COL25A1: variants seen among roughly 807,000 people sequenced by gnomAD.
The protein encoded by COL25A1 is collagen alpha-1(XXV) chain.
A neutral mutation model predicts 128.4 loss-of-function variants in COL25A1; 103 were observed. The ratio of observed to expected loss-of-function variants is 0.80; its 90% CI spans 0.68 to 0.94. The LOEUF is 0.94. Ranked by LOEUF, COL25A1 falls within the 40% of genes least tolerant of loss-of-function variation. COL25A1 has a pLI of 0.00. For synonymous variants in COL25A1, 279 were observed against 277.2 expected, an observed-to-expected ratio of 1.01 and a Z score of -0.06; for missense variants, 745 against 840.0, an observed-to-expected ratio of 0.89 and a Z score of 1.40.
intron 3 of COL25A1, among the ~76,000 whole-genome samples, chr4:109,244,300 T>C (rs1228942670): frequency 6.6e-6 from 1 of 152,102 alleles, no homozygotes; most frequent in Non-Finnish European, 1.5e-5. Context: ...AATATTTTAG[T>C]ATCCATTGAC....
At chr4:109,166,265 G>C (rs1205930256) in intron 3 of COL25A1, among the ~76,000 whole-genome samples, 3 of 152,132 alleles carry the variant, frequency 2.0e-5, no homozygotes, top group Non-Finnish European at 2.9e-5. Context: ...ATGTCTAGTA[G>C]ATCAATTGTC....
At chr4:108,871,954 T>G (rs1738778482) in intron 19 of COL25A1, among the ~76,000 whole-genome samples, 1 of 152,182 alleles carries the variant, frequency 6.6e-6, no homozygotes, top group South Asian at 2.1e-4. Context: ...GTTGGGCTAT[T>G]TCTTACTTCC....
intron 3 of COL25A1, among the ~76,000 whole-genome samples, chr4:109,160,210 C>T (rs1418075217): frequency 1.3e-5 from 2 of 152,210 alleles, no homozygotes; most frequent in Admixed American, 6.5e-5. Context: ...ATTTATATTG[C>T]TTTTCTTAAC....
chr4:109,181,463 G>T (rs1395644028), intron 3 of COL25A1, among the ~76,000 whole-genome samples: 1 of 152,044 alleles, frequency 6.6e-6, no homozygotes, highest in Non-Finnish European at 1.5e-5. Context: ...TCTATGTAAA[G>T]ATATCAGATT....
At chr4:109,176,622 T>C (rs1431344188) in intron 3 of COL25A1, among the ~76,000 whole-genome samples, 1 of 152,116 alleles carries the variant, frequency 6.6e-6, no homozygotes, top group South Asian at 2.1e-4. Context: ...CCCAAAAAGA[T>C]ATGTCCAAGC....
At chr4:108,859,098 G>A (rs1164981486) in intron 24 of COL25A1, among the ~76,000 whole-genome samples, 2 of 152,164 alleles carry the variant, frequency 1.3e-5, no homozygotes, top group African/African-American at 2.4e-5. Context: ...TATGGTAGCA[G>A]TAATAAGAAA....
At chr4:108,986,044 T>C (rs1753638687) in intron 6 of COL25A1, among the ~76,000 whole-genome samples, 1 of 152,234 alleles carries the variant, frequency 6.6e-6, no homozygotes, top group African/African-American at 2.4e-5. Context: ...TTTGATTCAC[T>C]TAACTTAATC....
chr4:108,908,614 G>A (rs964236068), intron 13 of COL25A1, among the ~76,000 whole-genome samples: 2 of 152,104 alleles, frequency 1.3e-5, no homozygotes, highest in African/African-American at 4.8e-5. Flanking sequence ...AATTAGAACC[G>A]CATAACCACC....
At chr4:109,147,610 A>G (rs941973375) in intron 3 of COL25A1, among the ~76,000 whole-genome samples, 1 of 152,120 alleles carries the variant, frequency 6.6e-6, no homozygotes, top group Non-Finnish European at 1.5e-5. Flanking sequence ...TGAGGTCAGG[A>G]GTTCGAGACC....
At chr4:108,976,694 A>T (rs1465020582) in intron 6 of COL25A1, among the ~76,000 whole-genome samples, 8 of 152,212 alleles carry the variant, frequency 5.3e-5, no homozygotes, top group Admixed American at 5.2e-4. Context: ...GGAGGCTGCT[A>T]TGTCACTGCA....
chr4:109,283,602 C>T, intron 3 of COL25A1, among the ~76,000 whole-genome samples: 1 of 152,132 alleles, frequency 6.6e-6, no homozygotes, highest in East Asian at 1.9e-4. Context: ...TTAGGTAGGT[C>T]TTACAATCCA....
At chr4:109,222,562 CTACA>C (rs532341438) in intron 3 of COL25A1, among the ~76,000 whole-genome samples, 4 of 152,174 alleles carry the variant, frequency 2.6e-5, no homozygotes, top group Admixed American at 2.6e-4. Flanking sequence ...TTAATAATTA[CTACA>C]TAAACACTTT....
chr4:109,088,875 C>T (rs925571631), intron 3 of COL25A1, among the ~76,000 whole-genome samples: 9 of 152,206 alleles, frequency 5.9e-5, no homozygotes, highest in African/African-American at 2.2e-4. Context: ...ATAGAGAACT[C>T]TTTCAAGCAG....
chr4:109,070,042 G>T (rs1762786551), intron 3 of COL25A1, among the ~76,000 whole-genome samples: 2 of 150,778 alleles, frequency 1.3e-5, no homozygotes, highest in Admixed American at 6.6e-5. Context: ...AGATCACAAG[G>T]TCAGGAGATC....
intron 8 of COL25A1, among the ~76,000 whole-genome samples, chr4:108,968,970 G>A (rs948661227): frequency 5.3e-5 from 8 of 151,940 alleles, no homozygotes; most frequent in East Asian, 3.9e-4. Context: ...TCACCTCAGC[G>A]TCTTTCCATT....
At chr4:109,244,369 G>A (rs1578532928) in intron 3 of COL25A1, among the ~76,000 whole-genome samples, 1 of 152,004 alleles carries the variant, frequency 6.6e-6, no homozygotes, top group East Asian at 1.9e-4. Flanking sequence ...CAAAAAAAGT[G>A]TCACTTTGTA....
At chr4:109,254,707 A>C (rs866891645) in intron 3 of COL25A1, among the ~76,000 whole-genome samples, 1 of 151,688 alleles carries the variant, frequency 6.6e-6, no homozygotes, top group Non-Finnish European at 1.5e-5. Flanking sequence ...AATTGAGCTG[A>C]ATTTAAAGAA....
At chr4:108,980,776 C>G (rs940644119) in intron 6 of COL25A1, among the ~76,000 whole-genome samples, 5 of 152,142 alleles carry the variant, frequency 3.3e-5, no homozygotes, top group African/African-American at 1.2e-4. Flanking sequence ...CACAAGTTTC[C>G]TACTCTTTTA....
intron 6 of COL25A1, among the ~76,000 whole-genome samples, chr4:108,976,953 C>T (rs1752498493): frequency 6.6e-6 from 1 of 151,992 alleles, no homozygotes; most frequent in Non-Finnish European, 1.5e-5. Flanking sequence ...TATGATAATC[C>T]TTTTACAGAT....
Sources: allele counts gnomAD v4.1 joint callset (sites outside exome capture counted in the v4.1 genomes callset), GRCh38; gene constraint gnomAD v4.1.1; transcripts MANE v1.5; gene names NCBI Gene and HGNC (gene_info 2026-07-23, HGNC 2026-07-21).